Variants in SGMS1 observed in about 807,000 individuals in gnomAD.
SGMS1 encodes phosphatidylcholine:ceramide cholinephosphotransferase 1.
A neutral mutation model predicts 46.2 loss-of-function variants in SGMS1; 13 were observed. That is an observed-to-expected ratio of 0.28 (90% confidence interval 0.18 to 0.45). The LOEUF (loss-of-function observed/expected upper bound fraction) is 0.45, where lower values mean the gene tolerates loss of function less well. Among genes scored for constraint, SGMS1 ranks in the 20% least tolerant of loss-of-function variants. The pLI is 1.00. For synonymous variants in SGMS1, 203 were observed against 187.8 expected (o/e 1.08, Z -0.66); for missense variants, 324 against 519.9 (o/e 0.62, Z 3.66).
intron 2 of SGMS1, among the ~76,000 whole-genome samples, chr10:50,556,436 G>A (rs1838189799): frequency 6.6e-6 from 1 of 152,174 alleles, no homozygotes; most frequent in South Asian, 2.1e-4. Flanking sequence ...TCATTCCAAA[G>A]GGGACATGTG....
chr10:50,341,862 T>C (rs1847826600), intron 7 of SGMS1, among the ~76,000 whole-genome samples: 1 of 152,228 alleles, frequency 6.6e-6, no homozygotes, highest in African/African-American at 2.4e-5. Flanking sequence ...TAATTATTAA[T>C]ATACTTTAAG....
chr10:50,564,614 T>A (rs1838272353), intron 2 of SGMS1, among the ~76,000 whole-genome samples: 1 of 152,176 alleles, frequency 6.6e-6, no homozygotes, highest in South Asian at 2.1e-4. Context: ...TGGTAGTTAA[T>A]GTGGCACTTT....
chr10:50,347,274 C>T (rs1391612027), intron 6 of SGMS1, among the ~76,000 whole-genome samples: 1 of 152,126 alleles, frequency 6.6e-6, no homozygotes, highest in Non-Finnish European at 1.5e-5. Context: ...TTCCTTTGAC[C>T]TAGTAATGTG....
intron 5 of SGMS1, among the ~76,000 whole-genome samples, chr10:50,455,686 C>T (rs560646491): frequency 6.6e-6 from 1 of 152,242 alleles, no homozygotes; most frequent in South Asian, 2.1e-4. Flanking sequence ...AGAGAGCCCA[C>T]CGAAAATGTT....
intron 2 of SGMS1, among the ~76,000 whole-genome samples, chr10:50,572,993 C>T (rs966435559): frequency 2.0e-4 from 31 of 152,148 alleles, no homozygotes; most frequent in Non-Finnish European, 3.7e-4. Context: ...ATCACATGAT[C>T]ATCTCAATAG....
At chr10:50,576,706 A>G (rs908415715) in intron 2 of SGMS1, among the ~76,000 whole-genome samples, 4 of 93,212 alleles carry the variant, frequency 4.3e-5, no homozygotes, top group African/African-American at 1.7e-4. Context: ...AAAATCATCT[A>G]TGTCATAAGT....
chr10:50,519,015 T>C (rs982136555), intron 3 of SGMS1, among the ~76,000 whole-genome samples: 8 of 152,152 alleles, frequency 5.3e-5, no homozygotes, highest in Admixed American at 4.6e-4. Flanking sequence ...ATTCTCACCA[T>C]AGAATTTAAC....
intron 6 of SGMS1, among the ~76,000 whole-genome samples, chr10:50,405,402 G>C (rs549668826): frequency 6.6e-6 from 1 of 152,152 alleles, no homozygotes; most frequent in Non-Finnish European, 1.5e-5. Context: ...GAGATAGATC[G>C]AGTATCAACT....
At chr10:50,453,960 T>C (rs1837155692) in intron 5 of SGMS1, among the ~76,000 whole-genome samples, 1 of 137,512 alleles carries the variant, frequency 7.3e-6, no homozygotes, top group Non-Finnish European at 1.5e-5. Context: ...AATCACAGAC[T>C]CCTAAAAACA....
chr10:50,473,663 T>G (rs1253324180), intron 3 of SGMS1, among the ~76,000 whole-genome samples: 1 of 152,244 alleles, frequency 6.6e-6, no homozygotes, highest in Non-Finnish European at 1.5e-5. Flanking sequence ...GGAAATGTTT[T>G]TAACCAAGAA....
At chr10:50,562,628 C>T (rs961518429) in intron 2 of SGMS1, among the ~76,000 whole-genome samples, 1 of 152,200 alleles carries the variant, frequency 6.6e-6, no homozygotes, top group African/African-American at 2.4e-5. Flanking sequence ...ACTGCAAGCT[C>T]CGCCTCCCGG....
intron 2 of SGMS1, among the ~76,000 whole-genome samples, chr10:50,567,817 G>C (rs978390414): frequency 6.6e-6 from 1 of 152,174 alleles, no homozygotes; most frequent in African/African-American, 2.4e-5. Context: ...GGGGGAAAAG[G>C]GGGGAAAAGA....
intron 5 of SGMS1, among the ~76,000 whole-genome samples, chr10:50,447,104 C>T (rs1837028224): frequency 6.6e-6 from 1 of 152,168 alleles, no homozygotes; most frequent in South Asian, 2.1e-4. Flanking sequence ...TAAAAGCAAT[C>T]TGTCATTTAG....
chr10:50,592,938 T>C (rs1838555881), intron 1 of SGMS1, among the ~76,000 whole-genome samples: 1 of 152,232 alleles, frequency 6.6e-6, no homozygotes, highest in Non-Finnish European at 1.5e-5. Flanking sequence ...GATATCCGCC[T>C]CCCAGTATTC....
chr10:50,418,405 G>A (rs981066642), intron 6 of SGMS1: 1 of 152,628 alleles, frequency 6.6e-6, no homozygotes, highest in Non-Finnish European at 1.5e-5. Context: ...CAAGAGCGGG[G>A]TTGGCGGGTG....
intron 3 of SGMS1, among the ~76,000 whole-genome samples, chr10:50,497,579 G>A (rs1837625770): frequency 6.6e-6 from 1 of 152,214 alleles, no homozygotes; most frequent in Non-Finnish European, 1.5e-5. Flanking sequence ...GATCGCCTGA[G>A]TTCAGGAGTT....
intron 3 of SGMS1, among the ~76,000 whole-genome samples, chr10:50,494,528 A>G (rs2133744866): frequency 6.6e-6 from 1 of 152,336 alleles, no homozygotes; most frequent in East Asian, 1.9e-4. Context: ...ACACAGGTAC[A>G]GAAAACAAAA....
At position 50,307,862 on chromosome 10, in the gene SGMS1, A is replaced by G. The variant is rs902267375; in HGVS notation, c.1062+120T>C. 4 of 882,644 alleles carry G rather than the reference A, an allele frequency of 4.5e-6. No individual in the cohort carries two copies. The South Asian group carries it at 6.3e-5, about 14-fold the overall frequency. The allele number at this position is 882,644 out of a possible 1,614,324, so 54.7% of individuals were successfully genotyped here. ...TGTCACAAAAAAACAATACAATCTTAGTTGATTACTACTTAAGAAAGAGAA... is the reference window on the plus strand; with the variant it reads ...TGTCACAAAAAAACAATACAATCTTGGTTGATTACTACTTAAGAAAGAGAA... On this transcript the variant is annotated intron_variant, in intron 10 of 10. Coordinates refer to ENST00000361781, the MANE Select transcript of SGMS1 (RefSeq NM_147156.4). This position sits in a 1 kb window ranked among gnomAD's most constrained non-coding sequence, Gnocchi z 4.2.
At chr10:50,512,139 C>T (rs1190563794) in intron 3 of SGMS1, among the ~76,000 whole-genome samples, 5 of 152,038 alleles carry the variant, frequency 3.3e-5, no homozygotes, top group African/African-American at 7.2e-5. Context: ...GAAGGCTATC[C>T]GGTTCAAGAA....
Sources: gnomAD v4.1 joint callset for allele counts (sites outside exome capture counted in the v4.1 genomes callset) on GRCh38, gnomAD v4.1.1 for gene constraint, Gnocchi (gnomAD v3.1) non-coding constraint, MANE v1.5 for transcripts, NCBI Gene and HGNC (gene_info 2026-07-23, HGNC 2026-07-21) for gene names.